The following MGAT4C variants were observed in gnomAD, a reference collection of about 807,000 sequenced individuals.
The protein encoded by MGAT4C is alpha-1,3-mannosyl-glycoprotein 4-beta-N-acetylglucosaminyltransferase C.
Under a neutral mutation model 40.1 loss-of-function variants are expected in MGAT4C, and 19 were observed. The observed-to-expected ratio is 0.47, with a 90% CI of 0.33 to 0.70. MGAT4C has a LOEUF of 0.70. Among genes scored for constraint, MGAT4C ranks in the 30% least tolerant of loss-of-function variants. The pLI is 0.02. For synonymous variants in MGAT4C, 181 were observed against 187.1 expected, an observed-to-expected ratio of 0.97 and a Z score of 0.27; for missense variants, 491 against 563.2, an observed-to-expected ratio of 0.87 and a Z score of 1.30.
At position 85,975,544 on chromosome 12, in the gene MGAT4C, C is replaced by T. The variant is rs1002449067; in HGVS notation, c.*3745G>A. On this transcript the variant is annotated 3_prime_UTR_variant, in exon 5 of 5. Transcript: ENST00000611864. The stretch of plus-strand genomic sequence containing the variant: ...AGGCTGGTAATGCAGAACTGGGTGT[C>T]AAAATCAAGTCTGTATGAACCTTCT... 6 of 150,728 alleles carry T rather than the reference C, an allele frequency of 4.0e-5. No homozygotes were observed. Among genetic ancestry groups the T allele is most frequent in the African/African-American group, 1.5e-4 (6 of 41,256 alleles). The allele number at this position is 150,728 out of a possible 1,614,324, so 9.3% of individuals were successfully genotyped here. A position where few individuals can be genotyped will look rare whatever the true frequency, so the allele number is the denominator to read the frequency against.
intron 2 of MGAT4C, among the ~76,000 whole-genome samples, chr12:86,704,278 G>T (rs981142): frequency 0.83 from 126,039 of 151,982 alleles, 52,965 homozygotes; most frequent in Middle Eastern, 0.9. Flanking sequence ...GGGTCAGCCC[G>T]TTGGCTATGC....
chr12:86,190,184 T>A (rs551287858), intron 1 of MGAT4C, among the ~76,000 whole-genome samples: 1 of 152,184 alleles, frequency 6.6e-6, no homozygotes, highest in South Asian at 2.1e-4. Flanking sequence ...AACAATATTA[T>A]AGGGTTGATA....
chr12:86,138,713 A>T (rs1313171386), intron 1 of MGAT4C, among the ~76,000 whole-genome samples: 4 of 149,150 alleles, frequency 2.7e-5, no homozygotes, highest in African/African-American at 4.9e-5. Flanking sequence ...TATATATATA[A>T]AATACAAATC....
chr12:86,040,153 A>T (rs1299604427), intron 2 of MGAT4C, among the ~76,000 whole-genome samples: 5 of 152,212 alleles, frequency 3.3e-5, no homozygotes, highest in East Asian at 1.9e-4. Context: ...GCTCTCCTGT[A>T]TGAGGTGTCT....
intron 4 of MGAT4C, among the ~76,000 whole-genome samples, chr12:86,286,977 C>T (rs1214458698): frequency 6.6e-6 from 1 of 152,066 alleles, no homozygotes; most frequent in Admixed American, 6.6e-5. Context: ...TTTGCTTTAT[C>T]CAGTCTACCA....
At chr12:86,566,564 A>ATGTATATG (rs1160140983) in intron 2 of MGAT4C, among the ~76,000 whole-genome samples, 1 of 116,894 alleles carries the variant, frequency 8.6e-6, no homozygotes, top group African/African-American at 3.3e-5. Flanking sequence ...ATATATATAT[A>ATGTATATG]TATATATATA....
chr12:86,159,300 T>C (rs1400355336), intron 1 of MGAT4C, among the ~76,000 whole-genome samples: 1 of 152,064 alleles, frequency 6.6e-6, no homozygotes, highest in Non-Finnish European at 1.5e-5. Flanking sequence ...TATTGTTTGA[T>C]TTTTTTATGC....
At chr12:86,403,448 AGTG>A (rs533146491) in intron 3 of MGAT4C, among the ~76,000 whole-genome samples, 12 of 152,342 alleles carry the variant, frequency 7.9e-5, no homozygotes, top group Non-Finnish European at 1.6e-4. Context: ...CTAGGGCAGA[AGTG>A]GTGTACTCAC....
At chr12:86,167,301 A>G (rs1420859555) in intron 1 of MGAT4C, among the ~76,000 whole-genome samples, 1 of 152,204 alleles carries the variant, frequency 6.6e-6, no homozygotes, top group Non-Finnish European at 1.5e-5. Context: ...GTCAGAAATT[A>G]TTTCTTCTTT....
intron 2 of MGAT4C, among the ~76,000 whole-genome samples, chr12:86,435,503 T>C (rs867998914): frequency 6.6e-6 from 1 of 151,832 alleles, no homozygotes; most frequent in South Asian, 2.1e-4. Flanking sequence ...GAAAGTGTGG[T>C]CTAAGATTAA....
intron 1 of MGAT4C, among the ~76,000 whole-genome samples, chr12:86,791,971 A>G (rs1952030734): frequency 2.0e-5 from 3 of 152,206 alleles, no homozygotes; most frequent in Non-Finnish European, 1.5e-5. Flanking sequence ...AAAATTCCCA[A>G]ATGAAATCAG....
At position 86,774,315 on chromosome 12, in the gene MGAT4C, C is replaced by CTTTCTTTCTTTCTTTCTTTCT. The variant is rs1555227763; in HGVS notation, c.-261-47095_-261-47075dup. Among the ~76,000 whole-genome samples, 82 of 59,394 alleles carry CTTTCTTTCTTTCTTTCTTTCT rather than the reference C, an allele frequency of 1.4e-3. 6 individuals are homozygous for CTTTCTTTCTTTCTTTCTTTCT. The highest frequency in any genetic ancestry group is 4.0e-3 in the African/African-American group (74 of 18,668). The allele number at this position is 59,394 out of a possible 152,430, so 39.0% of individuals were successfully genotyped here. A position where few individuals can be genotyped will look rare whatever the true frequency, so the allele number is the denominator to read the frequency against. ...TCTTTCTTTCTTTCTTTCTTTCTTT[C>CTTTCTTTCTTTCTTTCTTTCT]TTTCTTTCTTTCTTTCTTTCTTTCT... On this transcript the variant is annotated intron_variant, in intron 1 of 7. Coordinates refer to the MGAT4C transcript ENST00000548651.
chr12:86,810,988 T>G (rs1188238110), intron 1 of MGAT4C, among the ~76,000 whole-genome samples: 1 of 138,556 alleles, frequency 7.2e-6, no homozygotes, highest in Non-Finnish European at 1.6e-5. Context: ...AGTTTCTTGA[T>G]GTAGAAACTT....
intron 4 of MGAT4C, among the ~76,000 whole-genome samples, chr12:86,330,728 G>A (rs1407262298): frequency 6.6e-6 from 1 of 152,046 alleles, no homozygotes; most frequent in Non-Finnish European, 1.5e-5. Flanking sequence ...TATATTACAG[G>A]CACTATGCTA....
At chr12:86,526,543 C>T (rs1021887642) in intron 2 of MGAT4C, among the ~76,000 whole-genome samples, 3 of 152,108 alleles carry the variant, frequency 2.0e-5, no homozygotes, top group East Asian at 2.0e-4. Context: ...ATGATGGAGG[C>T]CCCCAGGGAA....
Position 86,647,001 on chromosome 12 carries a change from TG to T in MGAT4C, c.-229+80207del, listed in dbSNP as rs1963558227. On this transcript the variant is annotated intron_variant, in intron 2 of 7. Transcript: ENST00000548651. ...TTCAAAGTGGTTGCTCATCAGTGCT[TG>T]GCCAGTCTTGCTGTTGACAACGTTG... Among the ~76,000 whole-genome samples, 2 of 151,880 alleles carry T rather than the reference TG, an allele frequency of 1.3e-5. 1 individual carries two copies. Among genetic ancestry groups the T allele is most frequent in the South Asian group, 4.1e-4 (2 of 4,828 alleles).
At position 86,465,822 on chromosome 12, in the gene MGAT4C, A is replaced by G. The variant is rs184572373; in HGVS notation, c.-228-30557T>C. ...CAGCATTTTGGAAGAGAGTTTGGCAATTTTTGGTAAAACTAAACATTCTCT... is the reference window on the plus strand; with the variant it reads ...CAGCATTTTGGAAGAGAGTTTGGCAGTTTTTGGTAAAACTAAACATTCTCT... On this transcript the variant is annotated intron_variant, in intron 2 of 7. Coordinates refer to the MGAT4C transcript ENST00000548651. 1.7e-3 allele frequency among the ~76,000 whole-genome samples: 266 copies of G among 152,230 alleles called. 2 individuals carry two copies. Among genetic ancestry groups the G allele is most frequent in the African/African-American group, 6.1e-3 (252 of 41,556 alleles).
At chr12:86,634,183 A>G (rs943708322) in intron 2 of MGAT4C, among the ~76,000 whole-genome samples, 4 of 152,150 alleles carry the variant, frequency 2.6e-5, no homozygotes, top group African/African-American at 9.6e-5. Context: ...TGATTATTTA[A>G]CAGTGAATTT....
intron 4 of MGAT4C, among the ~76,000 whole-genome samples, chr12:86,320,143 T>C (rs1409757490): frequency 6.6e-6 from 1 of 152,090 alleles, no homozygotes; most frequent in Non-Finnish European, 1.5e-5. Context: ...AATCCACTTC[T>C]CTTGTATTTC....
Sources: allele counts gnomAD v4.1 joint callset (sites outside exome capture counted in the v4.1 genomes callset), GRCh38; gene constraint gnomAD v4.1.1; transcripts MANE v1.5; gene names NCBI Gene and HGNC (gene_info 2026-07-23, HGNC 2026-07-21).